The following ALG5 variants were observed in gnomAD, a reference collection of about 807,000 sequenced individuals.
ALG5 encodes the protein ALG5 dolichyl-phosphate beta-glucosyltransferase, also known as dolichyl-phosphate beta-glucosyltransferase.
In ALG5, 26 loss-of-function variants were observed where a neutral mutation model predicts 51.8. The ratio of observed to expected loss-of-function variants is 0.50; its 90% CI spans 0.37 to 0.70. The LOEUF (loss-of-function observed/expected upper bound fraction) is 0.70, where lower values mean the gene tolerates loss of function less well. Ranked by LOEUF, ALG5 falls within the 30% of genes least tolerant of loss-of-function variation. The probability of loss-of-function intolerance (pLI) is 0.00; values close to 1 mark genes in which losing one functional copy is unlikely to be tolerated. For missense variants in ALG5, 311 were observed against 399.3 expected (o/e 0.78, Z 1.88); for synonymous variants, 141 against 136.1 (o/e 1.04, Z -0.25).
Position 36,989,538 on chromosome 13 carries a change from T to G in ALG5, c.393A>C (p.Lys131Asn), listed in dbSNP as rs868017679. 1.6e-5 allele frequency: 25 copies of G among 1,612,804 alleles called. No individual in the cohort carries two copies. In the Middle Eastern group the frequency reaches 1.2e-3, roughly 74 times the overall value. The change falls in exon 5 of 10, where the codon AAA becomes AAC. Residue 131 changes from lysine (K) to asparagine (N), a missense_variant. By Grantham distance (94) the Lys-to-Asn change is moderately conservative. Transcript: ENST00000239891. ...FKYCQKYGSD[K>N]VRVITLVKNR... ...TCTTCACCAGGGTTATCACACGTAC[T>G]TTGTCACTTCCATATTTCTGGCAAT...
In ALG5 at chr13:36,972,019, T is replaced by G; in HGVS notation, c.579A>C (p.Ala193=). The G allele has an allele frequency of 6.3e-7, 1 of 1,599,098 alleles. No homozygotes were observed. Among genetic ancestry groups the G allele is most frequent in the African/African-American group, 1.3e-5 (1 of 74,826 alleles). Reference sequence around the variant, plus strand: ...TTTCTAAATGAGCTCGAGATCCACATGCTATAGCCATTTGATTCTGAGGGA... The same window carrying G: ...TTTCTAAATGAGCTCGAGATCCACAGGCTATAGCCATTTGATTCTGAGGGA... ...LQPWPNQMAI[A]CGSRAHLEKE... is the part of the protein sequence containing the mutation. Residue 193 remains alanine (A), a synonymous_variant, in exon 7 of 10, where the codon GCA becomes GCC. Coordinates refer to ENST00000239891, the MANE Select transcript of ALG5 (RefSeq NM_013338.5).
chr13:36,967,737 C>G, intron 7 of ALG5: 1 of 935,700 alleles, frequency 1.1e-6, no homozygotes, highest in Non-Finnish European at 1.5e-6. Flanking sequence ...ACAGCTTGCT[C>G]AGTGCCTTCC....
In ALG5 at chr13:36,967,797, G is replaced by A. The variant is rs890894259; in HGVS notation, c.622-2071C>T. 4 of 1,240,006 alleles carry A rather than the reference G, an allele frequency of 3.2e-6. No individual in the cohort carries two copies. The Admixed American group carries it at 9.2e-5, about 29-fold the overall frequency. 76.8% of individuals were successfully genotyped at this position (1,240,006 alleles called of 1,614,324 possible). On this transcript the variant is annotated intron_variant, in intron 7 of 9. Transcript: ENST00000239891. The stretch of plus-strand genomic sequence containing the variant: ...TGGTTGACTGATTAAACCTCCAAAA[G>A]AGCACTTATGCTTAGGAAAGGAACA...
At chr13:36,960,517 T>C (rs548132747) in intron 8 of ALG5, among the ~76,000 whole-genome samples, 4 of 152,116 alleles carry the variant, frequency 2.6e-5, no homozygotes, top group Admixed American at 2.6e-4. Context: ...AAAAAACATA[T>C]ATATATTATT....
chr13:36,980,236 A>G (rs1016011815), intron 6 of ALG5, among the ~76,000 whole-genome samples: 5 of 151,936 alleles, frequency 3.3e-5, no homozygotes, highest in Admixed American at 3.3e-4. Flanking sequence ...TTTTGAAAAA[A>G]TTTTTTATTA....
At chr13:36,999,140 G>C in intron 1 of ALG5, 95 bp downstream of exon 1, 1 of 1,205,506 alleles carries the variant, frequency 8.3e-7, no homozygotes, top group Non-Finnish European at 1.1e-6. Context: ...ACTTCTCCGA[G>C]AACTGGTAGC....
At chr13:36,980,727 A>G (rs1274558281) in intron 6 of ALG5, among the ~76,000 whole-genome samples, 1 of 151,740 alleles carries the variant, frequency 6.6e-6, no homozygotes, top group East Asian at 2.0e-4. Flanking sequence ...AATCCCCACA[A>G]TTTGGGAGGC....
At chr13:36,995,661 A>C in intron 1 of ALG5, 65 bp from the exon 2 acceptor site, 3 of 1,401,196 alleles carry the variant, frequency 2.1e-6, no homozygotes, top group Non-Finnish European at 2.9e-6. Context: ...TTCTGTATTT[A>C]TGTTAGAATA....
intron 1 of ALG5, among the ~76,000 whole-genome samples, chr13:36,996,040 A>T (rs141793533): frequency 8.9e-4 from 135 of 150,894 alleles, no homozygotes; most frequent in African/African-American, 3.3e-3. Flanking sequence ...TGCAGTTGGA[A>T]CATGCGGGGT....
chr13:36,949,850 A>G lies in ALG5; in HGVS notation c.*92T>C. ...TTATCAAAAGGCAGACAATGACAAGAAGTTTATTTCAGCTTTACTTAAAAT... is the reference window on the plus strand; with the variant it reads ...TTATCAAAAGGCAGACAATGACAAGGAGTTTATTTCAGCTTTACTTAAAAT... On this transcript the variant is annotated 3_prime_UTR_variant, in exon 10 of 10. Transcript: ENST00000239891. 2 of 656,932 alleles carry G rather than the reference A, an allele frequency of 3.0e-6. No homozygotes were observed. The highest frequency in any genetic ancestry group is 4.9e-6 in the Non-Finnish European group (2 of 409,272). 40.7% of individuals were successfully genotyped at this position (656,932 alleles called of 1,614,324 possible). A position where few individuals can be genotyped will look rare whatever the true frequency, so the allele number is the denominator to read the frequency against.
At position 36,999,238 on chromosome 13, in the gene ALG5, T is replaced by C. The variant is rs771496374; in HGVS notation, c.63A>G (p.Val21=). 3 of 1,577,778 alleles carry C rather than the reference T, an allele frequency of 1.9e-6. No homozygotes were observed. The highest frequency in any genetic ancestry group is 1.1e-5 in the South Asian group (1 of 87,380). ...LGAALAAAAL[V]LISIVAFTTA... is the part of the protein sequence containing the mutation. ...GGGTTCCCATCCCTGTTCTCACCAG[T>C]ACGAGGGCTGCGGCCGCCAGCGCCG... The change falls in exon 1 of 10, where the codon GTA becomes GTG. Residue 21 remains valine, a synonymous_variant. Transcript: ENST00000239891.
chr13:36,993,501 G>T, intron 4 of ALG5, 103 bp downstream of exon 4: 1 of 930,494 alleles, frequency 1.1e-6, no homozygotes, highest in Non-Finnish European at 1.8e-6. Flanking sequence ...AGAGTGTTAG[G>T]CACAGCTTTA....
At chr13:36,967,206 G>C (rs1038587144) in intron 7 of ALG5, among the ~76,000 whole-genome samples, 16 of 146,580 alleles carry the variant, frequency 1.1e-4, no homozygotes, top group African/African-American at 4.1e-4. Flanking sequence ...CTGGGTGACA[G>C]AGTGAGACTC....
At chr13:36,952,241 C>T (rs1438149331) in intron 9 of ALG5, among the ~76,000 whole-genome samples, 1 of 152,176 alleles carries the variant, frequency 6.6e-6, no homozygotes, top group Non-Finnish European at 1.5e-5. Flanking sequence ...TTCAGATCAC[C>T]ATGACTTTGT....
Position 36,967,118 on chromosome 13 carries a change from G to A in ALG5, c.622-1392C>T, listed in dbSNP as rs533376332. Among the ~76,000 whole-genome samples, 5 of 151,758 alleles carry A rather than the reference G, an allele frequency of 3.3e-5. No homozygotes were observed. In the South Asian group the frequency reaches 1.0e-3, roughly 32 times the overall value. ...CACGCCTGTAGTCCCAGCTACTTAG[G>A]AGGCTGAGGCAGAAGAATCGCTTGA... On this transcript the variant is annotated intron_variant, in intron 7 of 9. Transcript: ENST00000239891.
At chr13:36,977,803 A>C (rs1169211340) in intron 6 of ALG5, among the ~76,000 whole-genome samples, 12 of 147,242 alleles carry the variant, frequency 8.1e-5, no homozygotes, top group Non-Finnish European at 1.6e-4. Flanking sequence ...AAAAAAAAAA[A>C]AAAAAAAAAA....
At chr13:36,998,364 T>A (rs907773451) in intron 1 of ALG5, among the ~76,000 whole-genome samples, 1 of 152,130 alleles carries the variant, frequency 6.6e-6, no homozygotes, top group African/African-American at 2.4e-5. Flanking sequence ...TTATCTAAAC[T>A]GTAAATTTAT....
At chr13:36,993,528 G>T in intron 4 of ALG5, 76 bp downstream of exon 4, 1 of 1,255,394 alleles carries the variant, frequency 8.0e-7, no homozygotes, top group South Asian at 1.2e-5. Context: ...CCTGGTGAAT[G>T]AAAGTGAGAT....
chr13:36,994,803 G>A (rs184972460), intron 3 of ALG5, among the ~76,000 whole-genome samples, 186 bp downstream of exon 3: 3 of 151,970 alleles, frequency 2.0e-5, no homozygotes, highest in Non-Finnish European at 2.9e-5. Context: ...CTGGGTCAAC[G>A]ACCTGCCTCT....
Sources: allele counts gnomAD v4.1 joint callset (sites outside exome capture counted in the v4.1 genomes callset), GRCh38; gene constraint gnomAD v4.1.1; transcripts MANE v1.5; gene names NCBI Gene and HGNC (gene_info 2026-07-23, HGNC 2026-07-21).